Variants in PXDNL observed in about 807,000 individuals in gnomAD.
PXDNL encodes the protein peroxidasin like.
Under a neutral mutation model 150.8 loss-of-function variants are expected in PXDNL, and 145 were observed. The observed-to-expected ratio is 0.96, with a 90% CI of 0.84 to 1.10. The LOEUF (loss-of-function observed/expected upper bound fraction) is 1.10, where lower values mean the gene tolerates loss of function less well. Ranked by LOEUF, PXDNL falls within the 50% of genes least tolerant of loss-of-function variation. The probability of loss-of-function intolerance (pLI) is 0.00; values close to 1 mark genes in which losing one functional copy is unlikely to be tolerated. For synonymous variants in PXDNL, 757 were observed against 725.7 expected (o/e 1.04, Z -0.69); for missense variants, 2,087 against 1,873.9 (o/e 1.11, Z -2.10).
intron 1 of PXDNL, among the ~76,000 whole-genome samples, chr8:51,678,114 G>A (rs1438707491): frequency 6.6e-6 from 1 of 152,196 alleles, no homozygotes; most frequent in African/African-American, 2.4e-5. Context: ...GATCTCCATT[G>A]TGGCATAAAA....
chr8:51,412,075 T>G (rs947060445), intron 15 of PXDNL, among the ~76,000 whole-genome samples: 14 of 152,182 alleles, frequency 9.2e-5, no homozygotes, highest in African/African-American at 3.4e-4. Flanking sequence ...CAGCACATAA[T>G]AGCAGTTTAT....
At chr8:51,808,045 T>C (rs559706041) in intron 1 of PXDNL, among the ~76,000 whole-genome samples, 23 of 152,236 alleles carry the variant, frequency 1.5e-4, no homozygotes, top group Non-Finnish European at 3.1e-4. Flanking sequence ...AAATGCTTTA[T>C]AGAAATGAAA....
At chr8:51,388,659 T>C (rs1807800008) in intron 17 of PXDNL, among the ~76,000 whole-genome samples, 1 of 152,210 alleles carries the variant, frequency 6.6e-6, no homozygotes, top group South Asian at 2.1e-4. Context: ...TGGGTCTCTC[T>C]CTCTCATTCC....
intron 8 of PXDNL, among the ~76,000 whole-genome samples, chr8:51,460,342 C>T (rs1419631024): frequency 6.7e-6 from 1 of 148,964 alleles, no homozygotes; most frequent in Admixed American, 6.8e-5. Context: ...CTGGAACTGT[C>T]AATCATATTT....
rs529421986 is a variant in PXDNL at position 51,572,065 on chromosome 8, T to C, written c.309-15154A>G. On this transcript the variant is annotated intron_variant, in intron 3 of 22. Coordinates refer to ENST00000356297, the MANE Select transcript of PXDNL (RefSeq NM_144651.5). The stretch of plus-strand genomic sequence containing the variant: ...CATTGTAAATTGAAAACAGTGTAGA[T>C]CAAAAATGCACTTTCTACTTACAAC... 2.0e-5 allele frequency among the ~76,000 whole-genome samples: 3 copies of C among 151,900 alleles called. 1 individual carries two copies. The highest frequency in any genetic ancestry group is 1.3e-4 in the Admixed American group (2 of 15,228).
chr8:51,622,638 C>A (rs961473473), intron 2 of PXDNL, among the ~76,000 whole-genome samples: 1 of 152,156 alleles, frequency 6.6e-6, no homozygotes, highest in Non-Finnish European at 1.5e-5. Context: ...ACCAGATGAA[C>A]AAGCGGTGGT....
intron 17 of PXDNL, among the ~76,000 whole-genome samples, chr8:51,387,471 G>A (rs894953898): frequency 3.3e-5 from 5 of 152,144 alleles, no homozygotes; most frequent in African/African-American, 1.2e-4. Context: ...TCTATGTTCG[G>A]TAGGAAAAAA....
intron 4 of PXDNL, among the ~76,000 whole-genome samples, chr8:51,549,062 T>A (rs1360802367): frequency 1.3e-5 from 2 of 151,896 alleles, no homozygotes; most frequent in Non-Finnish European, 2.9e-5. Flanking sequence ...TATAAAGCAA[T>A]AACAGTTTAA....
At chr8:51,454,471 A>G (rs1004132337) in intron 9 of PXDNL, among the ~76,000 whole-genome samples, 1 of 152,230 alleles carries the variant, frequency 6.6e-6, no homozygotes, top group African/African-American at 2.4e-5. Context: ...ACTTTCAGCT[A>G]AACGTATTAT....
rs1001576305 is a variant in PXDNL, at chr8:51,472,264, T to C, written c.735A>G (p.Val245=). 6.2e-7 allele frequency: 1 copy of C among 1,613,454 alleles called. No homozygotes were observed. Among genetic ancestry groups the C allele is most frequent in the African/African-American group, 1.3e-5 (1 of 74,912 alleles). The change falls in exon 8 of 23, where the codon GTA becomes GTG. Residue 245 remains valine (V), a synonymous_variant. Transcript: ENST00000356297. ...TGAAGTAGACGGTATTTCCTGATGG[T>C]ACCTCCACATCCTGCGGCTCAAAAG... ...RITFEPQDVE[V]PSGNTVYFTC...
intron 4 of PXDNL, among the ~76,000 whole-genome samples, chr8:51,536,370 AT>A (rs199709460): frequency 0.047 from 7,213 of 152,340 alleles, 283 homozygotes; most frequent in East Asian, 0.22. Flanking sequence ...TTACAGTGTA[AT>A]GTATGCTTAA....
chr8:51,787,885 T>G (rs2037475149), intron 1 of PXDNL, among the ~76,000 whole-genome samples: 1 of 152,222 alleles, frequency 6.6e-6, no homozygotes, highest in Non-Finnish European at 1.5e-5. Context: ...CATCTTATTT[T>G]AAGAAAATTC....
At chr8:51,425,074 A>C (rs1809054931) in intron 13 of PXDNL, among the ~76,000 whole-genome samples, 1 of 152,186 alleles carries the variant, frequency 6.6e-6, no homozygotes, top group Non-Finnish European at 1.5e-5. Context: ...AGGTTGGGCC[A>C]CTTCTAAATT....
At chr8:51,656,708 T>A (rs1815156601) in intron 1 of PXDNL, among the ~76,000 whole-genome samples, 1 of 152,214 alleles carries the variant, frequency 6.6e-6, no homozygotes, top group South Asian at 2.1e-4. Flanking sequence ...ATAATAATCC[T>A]TACTGTCTAC....
chr8:51,613,709 T>A (rs1814071132), intron 2 of PXDNL, among the ~76,000 whole-genome samples: 1 of 152,154 alleles, frequency 6.6e-6, no homozygotes, highest in South Asian at 2.1e-4. Flanking sequence ...TTCATAGGAT[T>A]AATCATGATA....
chr8:51,534,169 G>A lies in PXDNL; in HGVS notation c.380+22671C>T, dbSNP rs1264850305. Among the ~76,000 whole-genome samples the A allele has an allele frequency of 8.7e-4, 121 of 139,310 alleles. 1 individual carries two copies. The highest frequency in any genetic ancestry group is 1.3e-3 in the Non-Finnish European group (86 of 66,700). 91.4% of individuals were successfully genotyped at this position (139,310 alleles called of 152,430 possible). ...TGGGATGTGAGGAGCGCCTCTGCTGGGCCACAACCCTGTCTGGGAGGTGAG... is the reference window on the plus strand; with the variant it reads ...TGGGATGTGAGGAGCGCCTCTGCTGAGCCACAACCCTGTCTGGGAGGTGAG... On this transcript the variant is annotated intron_variant, in intron 4 of 22. Coordinates refer to ENST00000356297, the MANE Select transcript of PXDNL (RefSeq NM_144651.5).
chr8:51,701,034 C>T (rs1816249288), intron 1 of PXDNL, among the ~76,000 whole-genome samples: 1 of 151,882 alleles, frequency 6.6e-6, no homozygotes, highest in South Asian at 2.1e-4. Context: ...CACACATATA[C>T]ACACAGAGAG....
At position 51,568,065 on chromosome 8, in the gene PXDNL, A is replaced by G. The variant is rs1362903656; in HGVS notation, c.309-11154T>C. On this transcript the variant is annotated intron_variant, in intron 3 of 22. Transcript: ENST00000356297. ...TTTCTTTTTTCTATCCCTTTTAACA[A>G]TTATTCCTGTCATTCCACTTATCCA... 2.0e-5 allele frequency among the ~76,000 whole-genome samples: 3 copies of G among 151,726 alleles called. No individual in the cohort carries two copies. The East Asian group carries it at 5.8e-4, about 30-fold the overall frequency.
chr8:51,671,590 C>T (rs930527798), intron 1 of PXDNL, among the ~76,000 whole-genome samples: 1 of 152,056 alleles, frequency 6.6e-6, no homozygotes. Context: ...TACAGTAAAC[C>T]GGAAGGAAAA....
Sources: allele counts gnomAD v4.1 joint callset (sites outside exome capture counted in the v4.1 genomes callset), GRCh38; gene constraint gnomAD v4.1.1; transcripts MANE v1.5; gene names NCBI Gene and HGNC (gene_info 2026-07-23, HGNC 2026-07-21).